The following KIF1A variants were observed in gnomAD, a reference collection of about 807,000 sequenced individuals.
KIF1A encodes kinesin-like protein KIF1A.
Under a neutral mutation model 227.3 loss-of-function variants are expected in KIF1A, and 46 were observed. That is an observed-to-expected ratio of 0.20 (90% confidence interval 0.16 to 0.26). The LOEUF (loss-of-function observed/expected upper bound fraction) is 0.26. KIF1A is among the 10% of genes least tolerant of loss of function. The probability of loss-of-function intolerance (pLI) is 1.00; values close to 1 mark genes in which losing one functional copy is unlikely to be tolerated. For missense variants in KIF1A, 1,683 were observed against 2,485.9 expected, an observed-to-expected ratio of 0.68 and a Z score of 6.87; for synonymous variants, 1,022 against 1,012.8, an observed-to-expected ratio of 1.01 and a Z score of -0.17.
chr2:240,782,654 G>A (rs1446353685), intron 9 of KIF1A, 47 bp from the exon 10 acceptor site: 9 of 1,548,556 alleles, frequency 5.8e-6, no homozygotes, highest in Non-Finnish European at 7.9e-6. Context: ...AGCGAAGCTG[G>A]CGCGGGCTGT....
chr2:240,783,197 G>C, intron 8 of KIF1A, 88 bp from the exon 9 acceptor site: 1 of 1,018,132 alleles, frequency 9.8e-7, no homozygotes, highest in Admixed American at 1.7e-5. Flanking sequence ...GACCTGTGCA[G>C]TGTGGAGTGG....
Position 240,786,486 on chromosome 2 carries a change from G to A in KIF1A, c.457C>T (p.Arg153Cys), listed in dbSNP as rs756309359. ...TTGGGGTTCAGGAGGTCACGGACGC[G>A]CTCACAGTAAATCTCCATGTAGCTG... is the stretch of plus-strand genomic sequence containing the variant. ...EVSYMEIYCE[R>C]VRDLLNPKNK... The change falls in exon 6 of 49, where the codon CGC becomes TGC. Residue 153 changes from arginine to cysteine, a missense_variant. By Grantham distance (180) the Arg-to-Cys change is radical (BLOSUM62 -3). Around this residue, in one of 12 missense-constraint regions of KIF1A, gnomAD observed 75 missense variants for 131.2 expected, o/e 0.57. Coordinates refer to ENST00000498729, the MANE Select transcript of KIF1A (RefSeq NM_001244008.2). 2 of 1,613,418 alleles carry A rather than the reference G, an allele frequency of 1.2e-6. No individual in the cohort carries two copies. Among genetic ancestry groups the A allele is most frequent in the South Asian group, 1.1e-5 (1 of 91,080 alleles).
intron 38 of KIF1A, among the ~76,000 whole-genome samples, chr2:240,732,987 A>C: frequency 1.1e-5 from 1 of 87,098 alleles, no homozygotes; most frequent in South Asian, 4.5e-4. Context: ...TGAGGGTATG[A>C]GGAAGGGATG....
At chr2:240,780,603 C>T (rs953516672) in intron 10 of KIF1A, among the ~76,000 whole-genome samples, 5 of 151,920 alleles carry the variant, frequency 3.3e-5, no homozygotes, top group Non-Finnish European at 5.9e-5. Context: ...CGTCCTGTCC[C>T]GGCACCACGC....
At chr2:240,819,762 C>G (rs933236314) in intron 1 of KIF1A, among the ~76,000 whole-genome samples, 1 of 152,126 alleles carries the variant, frequency 6.6e-6, no homozygotes, top group African/African-American at 2.4e-5. Flanking sequence ...GCGGAATAGC[C>G]GGGGAAGGGC....
Position 240,715,009 on chromosome 2 carries a change from G to C in KIF1A, c.*2355C>G, listed in dbSNP as rs2044476740. On this transcript the variant is annotated 3_prime_UTR_variant, in exon 49 of 49. Coordinates refer to ENST00000498729, the MANE Select transcript of KIF1A (RefSeq NM_001244008.2). Reference sequence around the variant, plus strand: ...GCTGGCCTCAGACACCTGCGACCTGGGGGGTGCGCCCAGACCCTTTGGAGG... The same window carrying C: ...GCTGGCCTCAGACACCTGCGACCTGCGGGGTGCGCCCAGACCCTTTGGAGG... 1 of 152,290 alleles carries C rather than the reference G, an allele frequency of 6.6e-6. No homozygotes were observed. The highest frequency in any genetic ancestry group is 2.1e-4 in the South Asian group (1 of 4,832). 9.4% of individuals were successfully genotyped at this position (152,290 alleles called of 1,614,324 possible).
At chr2:240,761,188 C>T (rs2050484844) in intron 24 of KIF1A, 41 bp downstream of exon 24, 1 of 1,581,662 alleles carries the variant, frequency 6.3e-7, no homozygotes. Flanking sequence ...AGGTGACACA[C>T]TCTCTCCAAC....
intron 14 of KIF1A, among the ~76,000 whole-genome samples, chr2:240,771,574 A>G (rs2051996938): frequency 6.6e-6 from 1 of 152,130 alleles, no homozygotes; most frequent in African/African-American, 2.4e-5. Flanking sequence ...TCCTCCCTGC[A>G]TCTTCCCACC....
In KIF1A at chr2:240,763,335, T is replaced by C. The variant is rs1174227389; in HGVS notation, c.1780A>G (p.Ile594Val). 2 of 1,579,144 alleles carry C rather than the reference T, an allele frequency of 1.3e-6. No homozygotes were observed. Among genetic ancestry groups the C allele is most frequent in the Non-Finnish European group, 1.7e-6 (2 of 1,163,358 alleles). The change falls in exon 21 of 49, where the codon ATC becomes GTC. Residue 594 changes from isoleucine to valine, a missense_variant. This residue lies in a region of KIF1A where 217 missense variants were observed against 427.0 expected (regional missense o/e 0.51). Transcript: ENST00000498729. ...CGGAACACATGGCTCTTACCCATGA[T>C]GATGCGGTTTCCTGGGGAACAGAGG... ...PSILRSGNRI[I>V]MGKSHVFRFN...
intron 1 of KIF1A, among the ~76,000 whole-genome samples, chr2:240,809,404 C>T (rs1244032947): frequency 2.6e-5 from 4 of 152,126 alleles, no homozygotes; most frequent in Admixed American, 2.0e-4. Flanking sequence ...ATCACGAGTG[C>T]AACAGAAGGG....
At position 240,782,468 on chromosome 2, in the gene KIF1A, C is replaced by A. The variant is rs564435431; in HGVS notation, c.882+122G>T. 180 of 1,109,754 alleles carry A rather than the reference C, an allele frequency of 1.6e-4. No homozygotes were observed. In the African/African-American group the frequency reaches 2.6e-3, roughly 16 times the overall value. The allele number at this position is 1,109,754 out of a possible 1,614,324, so 68.7% of individuals were successfully genotyped here. A position where few individuals can be genotyped will look rare whatever the true frequency, so the allele number is the denominator to read the frequency against. The stretch of plus-strand genomic sequence containing the variant: ...TTTCTTCCTTCCCGGGATCCACCCC[C>A]ACGTCCCCCATCTCCCAGCGCACTC... On this transcript the variant is annotated intron_variant, in intron 10 of 48. Transcript: ENST00000498729.
At chr2:240,819,143 C>G (rs1308058840) in intron 1 of KIF1A, among the ~76,000 whole-genome samples, 1 of 152,174 alleles carries the variant, frequency 6.6e-6, no homozygotes, top group Non-Finnish European at 1.5e-5. Context: ...CCCTCCCTCC[C>G]GGCGGGGATG....
At chr2:240,804,455 A>C (rs570970373) in intron 1 of KIF1A, among the ~76,000 whole-genome samples, 1 of 152,248 alleles carries the variant, frequency 6.6e-6, no homozygotes, top group South Asian at 2.1e-4. Flanking sequence ...AGGAAGAAGG[A>C]GATGGAATTA....
chr2:240,782,470 C>A (rs2126045255), intron 10 of KIF1A, 120 bp downstream of exon 10: 4 of 1,116,132 alleles, frequency 3.6e-6, no homozygotes, highest in Admixed American at 4.5e-5. Flanking sequence ...TCCACCCCCA[C>A]GTCCCCCATC....
At position 240,774,169 on chromosome 2, in the gene KIF1A, C is replaced by G; in HGVS notation, c.1037+14G>C. 1 of 1,553,596 alleles carries G rather than the reference C, an allele frequency of 6.4e-7. No individual in the cohort carries two copies. The highest frequency in any genetic ancestry group is 1.7e-5 in the Admixed American group (1 of 58,316). On this transcript the variant is annotated intron_variant, in intron 12 of 48. Coordinates refer to ENST00000498729, the MANE Select transcript of KIF1A (RefSeq NM_001244008.2). The stretch of plus-strand genomic sequence containing the variant: ...GGGAGCGGGAAGCAGAGCTTGTCTC[C>G]CTGGAGAACTCACCTCAGCGTGCTA...
rs1402062492 is a variant in KIF1A at position 240,722,559 on chromosome 2, G to C, written c.4562C>G (p.Ser1521Cys). ...GGCGCTGGAGGAGCCATGGGACTCA[G>C]AGTCCTCGCTGAAGGCCGGGGACAG... ...EALSPAFSEDSESHGSSSASS... is the reference protein window; with the variant it reads ...EALSPAFSEDCESHGSSSASS... Residue 1521 changes from serine (S) to cysteine (C), a missense_variant, in exon 43 of 49, where the codon TCT becomes TGT. Transcript: ENST00000498729. The C allele has an allele frequency of 3.2e-6, 5 of 1,552,962 alleles. No individual in the cohort carries two copies. Among genetic ancestry groups the C allele is most frequent in the Admixed American group, 1.9e-5 (1 of 51,750 alleles).
Position 240,736,953 on chromosome 2 carries a change from G to T in KIF1A, c.4007+110C>A. ...CAGGTGCCAGGAGGGAGGGCCGGGA[G>T]AGCGTTGAGCGGGTCACCTTGTGTG... On this transcript the variant is annotated intron_variant, in intron 38 of 48. Transcript: ENST00000498729. The surrounding 1 kb of genome is among the most constrained non-coding windows in gnomAD (Gnocchi z 4.7). 1.2e-6 allele frequency: 1 copy of T among 863,050 alleles called. No individual in the cohort carries two copies. The highest frequency in any genetic ancestry group is 1.9e-6 in the Non-Finnish European group (1 of 517,672). The allele number at this position is 863,050 out of a possible 1,614,324, so 53.5% of individuals were successfully genotyped here.
At position 240,739,845 on chromosome 2, in the gene KIF1A, A is replaced by T. The variant is rs568261095; in HGVS notation, c.3901+213T>A. ...CATGGCAGCCCCAGAACTCCAATAC[A>T]CTGATTAAACAGAAATTTGCAGATC... On this transcript the variant is annotated intron_variant, in intron 37 of 48. Coordinates refer to ENST00000498729, the MANE Select transcript of KIF1A (RefSeq NM_001244008.2). This position sits in a 1 kb window ranked among gnomAD's most constrained non-coding sequence, Gnocchi z 5.6. 5.3e-5 allele frequency among the ~76,000 whole-genome samples: 8 copies of T among 152,282 alleles called. No individual in the cohort carries two copies. In the South Asian group the frequency reaches 1.0e-3, roughly 20 times the overall value.
Position 240,808,508 on chromosome 2 carries a change from AATT to A in KIF1A, c.-60-10699_-60-10697del, listed in dbSNP as rs1166737165. ...ACCCATTTCTAAAACAAAAAAAAAA[AATT>A]TTTTTTTTTTAATTAGCCAGGAGTA... On this transcript the variant is annotated intron_variant, in intron 1 of 48. Coordinates refer to ENST00000498729, the MANE Select transcript of KIF1A (RefSeq NM_001244008.2). Among the ~76,000 whole-genome samples, 58 of 43,440 alleles carry A rather than the reference AATT, an allele frequency of 1.3e-3. 1 individual carries two copies. The South Asian group carries it at 0.03, about 22-fold the overall frequency. The allele number at this position is 43,440 out of a possible 152,430, so 28.5% of individuals were successfully genotyped here.
Sources: allele counts gnomAD v4.1 joint callset (sites outside exome capture counted in the v4.1 genomes callset), GRCh38; gene constraint gnomAD v4.1.1; regional missense constraint gnomAD v4.1.1; non-coding constraint Gnocchi (gnomAD v3.1); transcripts MANE v1.5; gene names NCBI Gene and HGNC (gene_info 2026-07-23, HGNC 2026-07-21).